ABCA1: variants seen among roughly 807,000 people sequenced by gnomAD.
The protein encoded by ABCA1 is phospholipid-transporting ATPase ABCA1.
Under a neutral mutation model 262.5 loss-of-function variants are expected in ABCA1, and 133 were observed. That is an observed-to-expected ratio of 0.51 (90% CI 0.44 to 0.59). The LOEUF (loss-of-function observed/expected upper bound fraction) is 0.59, where lower values mean the gene tolerates loss of function less well. Ranked by LOEUF, ABCA1 falls within the 20% of genes least tolerant of loss-of-function variation. The pLI is 0.00. For synonymous variants in ABCA1, 1,022 were observed against 1,043.5 expected, an observed-to-expected ratio of 0.98 and a Z score of 0.40; for missense variants, 2,452 against 2,777.5, an observed-to-expected ratio of 0.88 and a Z score of 2.63.
intron 2 of ABCA1, among the ~76,000 whole-genome samples, chr9:104,902,691 C>T (rs748871494): frequency 3.9e-5 from 6 of 152,092 alleles, no homozygotes; most frequent in Non-Finnish European, 8.8e-5. Flanking sequence ...TGCTTTGACA[C>T]TTTTGTTCTT....
At chr9:104,816,084 G>A (rs1476140295) in intron 25 of ABCA1, 59 bp downstream of exon 25, 1 of 1,567,648 alleles carries the variant, frequency 6.4e-7, no homozygotes, top group Non-Finnish European at 8.8e-7. Context: ...CAGGCTACTG[G>A]TCTGGCCTTA....
At chr9:104,864,868 G>A (rs1314568790) in intron 5 of ABCA1, among the ~76,000 whole-genome samples, 2 of 152,204 alleles carry the variant, frequency 1.3e-5, no homozygotes. Flanking sequence ...AACAGGCTCT[G>A]AAGATGAGAA....
chr9:104,798,691 T>TAC, intron 36 of ABCA1, 93 bp from the exon 37 acceptor site: 4 of 1,052,390 alleles, frequency 3.8e-6, no homozygotes, highest in Non-Finnish European at 5.7e-6. Context: ...AACACACACG[T>TAC]ACACACACAC....
At chr9:104,923,804 C>CTGAT (rs1300211195) in intron 1 of ABCA1, among the ~76,000 whole-genome samples, 1 of 152,174 alleles carries the variant, frequency 6.6e-6, no homozygotes, top group African/African-American at 2.4e-5. Flanking sequence ...CTTTGGGAGG[C>CTGAT]TGATGTGGGA....
intron 30 of ABCA1, among the ~76,000 whole-genome samples, chr9:104,807,013 G>A (rs1037044708): frequency 6.6e-6 from 1 of 152,190 alleles, no homozygotes; most frequent in Non-Finnish European, 1.5e-5. Flanking sequence ...CAAAAGCGAT[G>A]GCAAGTGCAG....
chr9:104,804,747 C>A (rs369764610), intron 31 of ABCA1, 27 bp from the exon 32 acceptor site: 1 of 1,568,784 alleles, frequency 6.4e-7, no homozygotes, highest in African/African-American at 1.4e-5. Context: ...ACCAAGCATA[C>A]GGGTCTTTAT....
chr9:104,821,480 G>A lies in ABCA1; in HGVS notation c.2855C>T (p.Pro952Leu). The A allele has an allele frequency of 4.3e-6, 7 of 1,613,792 alleles. No homozygotes were observed. The highest frequency in any genetic ancestry group is 5.9e-6 in the Non-Finnish European group (7 of 1,179,898). Reference sequence around the variant, plus strand: ...CAGGATGTAGGCGGTGCCCGAGGTCGGGGGGAACAACCCGGTCAGGATTGA... The same window carrying A: ...CAGGATGTAGGCGGTGCCCGAGGTCAGGGGGAACAACCCGGTCAGGATTGA... ...TMSILTGLFPPTSGTAYILGK... is the reference protein window; with the variant it reads ...TMSILTGLFPLTSGTAYILGK... Residue 952 changes from proline to leucine, a missense_variant, in exon 20 of 50, where the codon CCG becomes CTG. Around this residue, in one of 4 missense-constraint regions of ABCA1, gnomAD observed 665 missense variants for 727.3 expected, o/e 0.91. Coordinates refer to ENST00000374736, the MANE Select transcript of ABCA1 (RefSeq NM_005502.4).
At position 104,783,578 on chromosome 9, in the gene ABCA1, G is replaced by A. The variant is rs1251562449; in HGVS notation, c.*737C>T. 1 of 152,254 alleles carries A rather than the reference G, an allele frequency of 6.6e-6. No homozygotes were observed. Among genetic ancestry groups the A allele is most frequent in the East Asian group, 1.9e-4 (1 of 5,194 alleles). The allele number at this position is 152,254 out of a possible 1,614,324, so 9.4% of individuals were successfully genotyped here. A position where few individuals can be genotyped will look rare whatever the true frequency, so the allele number is the denominator to read the frequency against. ...GGATGACCCTGTAGACCCATGGCTC[G>A]AAGCATAGGACAATATAACAATGGA... On this transcript the variant is annotated 3_prime_UTR_variant, in exon 50 of 50. Transcript: ENST00000374736.
intron 36 of ABCA1, 87 bp downstream of exon 36, chr9:104,799,732 C>G: frequency 5.0e-6 from 8 of 1,612,524 alleles, no homozygotes; most frequent in African/African-American, 1.3e-5. Flanking sequence ...GCAGCTGTTC[C>G]CCTACAATGA....
At chr9:104,886,142 T>G (rs577089418) in intron 3 of ABCA1, among the ~76,000 whole-genome samples, 1 of 152,304 alleles carries the variant, frequency 6.6e-6, no homozygotes, top group South Asian at 2.1e-4. Context: ...TTCCAGGCAC[T>G]GTGGGAGTGA....
At chr9:104,858,857 A>C (rs999889361) in intron 6 of ABCA1, among the ~76,000 whole-genome samples, 159 bp from the exon 7 acceptor site, 1 of 152,206 alleles carries the variant, frequency 6.6e-6, no homozygotes, top group African/African-American at 2.4e-5. Context: ...CTCTTTACTG[A>C]AACTCAGAAT....
intron 7 of ABCA1, among the ~76,000 whole-genome samples, chr9:104,847,245 C>G (rs1426534781): frequency 6.6e-6 from 1 of 152,176 alleles, no homozygotes; most frequent in Non-Finnish European, 1.5e-5. Flanking sequence ...CCCCCGCCAC[C>G]CTGTGCCCCA....
At chr9:104,889,635 C>G (rs1303978721) in intron 2 of ABCA1, among the ~76,000 whole-genome samples, 1 of 152,172 alleles carries the variant, frequency 6.6e-6, no homozygotes, top group African/African-American at 2.4e-5. Context: ...AAAGCAGGCA[C>G]CCATCTGTCT....
At chr9:104,868,185 C>A (rs1040521295) in intron 5 of ABCA1, among the ~76,000 whole-genome samples, 6 of 152,112 alleles carry the variant, frequency 3.9e-5, no homozygotes, top group Non-Finnish European at 7.3e-5. Flanking sequence ...CATGAAGAAA[C>A]CCCGTCTCTA....
At chr9:104,884,379 A>C (rs1401101306) in intron 4 of ABCA1, 48 bp downstream of exon 4, 1 of 1,612,530 alleles carries the variant, frequency 6.2e-7, no homozygotes, top group South Asian at 1.1e-5. Context: ...AAAGGAAGGA[A>C]AAGGATTAAC....
Position 104,875,292 on chromosome 9 carries a change from G to A in ABCA1, c.421+7747C>T, listed in dbSNP as rs537967574. 1.1e-3 allele frequency among the ~76,000 whole-genome samples: 162 copies of A among 145,380 alleles called. 1 individual carries two copies. Among genetic ancestry groups the A allele is most frequent in the Non-Finnish European group, 2.1e-3 (142 of 66,856 alleles). ...CAGGAGGCGGTGGTCGCAGTGAGCC[G>A]AGATCACACCACTACACTCCATGCA... is the stretch of plus-strand genomic sequence containing the variant. On this transcript the variant is annotated intron_variant, in intron 5 of 49. Coordinates refer to ENST00000374736, the MANE Select transcript of ABCA1 (RefSeq NM_005502.4).
At chr9:104,837,202 C>G (rs186800408) in intron 10 of ABCA1, 106 bp from the exon 11 acceptor site, 1 of 1,059,592 alleles carries the variant, frequency 9.4e-7, no homozygotes, top group East Asian at 2.5e-5. Context: ...CAGCCCTGTG[C>G]CAGTCCTCCC....
In ABCA1 at chr9:104,903,725, A is replaced by G; in HGVS notation, c.-46T>C. ...CAGCGTGTGGCTCGGGAGCCCTGGA[A>G]GGCAGCGGCCAGAGCTCACAGCAGG... On this transcript the variant is annotated 5_prime_UTR_variant, in exon 2 of 50. Transcript: ENST00000374736. 6.5e-7 allele frequency: 1 copy of G among 1,548,552 alleles called. No homozygotes were observed. Among genetic ancestry groups the G allele is most frequent in the South Asian group, 1.2e-5 (1 of 84,290 alleles).
In ABCA1 at chr9:104,883,170, C is replaced by G. The variant is rs1348621832; in HGVS notation, c.303-13G>C. 1 of 1,608,010 alleles carries G rather than the reference C, an allele frequency of 6.2e-7. No homozygotes were observed. The highest frequency in any genetic ancestry group is 2.2e-5 in the East Asian group (1 of 44,876). On this transcript the variant is annotated splice_polypyrimidine_tract_variant and intron_variant, in intron 4 of 49. Transcript: ENST00000374736. ...CAGGCGAGCCACACTGTAAAGGGTGCAAGAAAAGGCGAAAGGCTTTAGCTA... is the reference window on the plus strand; with the variant it reads ...CAGGCGAGCCACACTGTAAAGGGTGGAAGAAAAGGCGAAAGGCTTTAGCTA...
Sources: gnomAD v4.1 joint callset for allele counts (sites outside exome capture counted in the v4.1 genomes callset) on GRCh38, gnomAD v4.1.1 for gene constraint, gnomAD v4.1.1 regional missense constraint, MANE v1.5 for transcripts, NCBI Gene and HGNC (gene_info 2026-07-23, HGNC 2026-07-21) for gene names.